Variants in RAP1GDS1 observed in about 807,000 individuals in gnomAD.
RAP1GDS1 encodes the protein RAP1, GTP-GDP dissociation stimulator 1.
In RAP1GDS1, 35 loss-of-function variants were observed where a neutral mutation model predicts 71.1. That is an observed-to-expected ratio of 0.49 (90% CI 0.38 to 0.65). RAP1GDS1 has a LOEUF of 0.65. Ranked by LOEUF, RAP1GDS1 falls within the 30% of genes least tolerant of loss-of-function variation. RAP1GDS1 has a pLI of 0.00. For missense variants in RAP1GDS1, 663 were observed against 706.1 expected, an observed-to-expected ratio of 0.94 and a Z score of 0.69; for synonymous variants, 229 against 243.1, an observed-to-expected ratio of 0.94 and a Z score of 0.54.
intron 11 of RAP1GDS1, among the ~76,000 whole-genome samples, chr4:98,420,357 T>TA (rs1748655880): frequency 6.7e-6 from 1 of 149,716 alleles, no homozygotes; most frequent in Admixed American, 6.6e-5. Context: ...TTTATTTATT[T>TA]ATTTATTTGT....
intron 4 of RAP1GDS1, among the ~76,000 whole-genome samples, chr4:98,378,267 A>C (rs1485863977): frequency 6.6e-6 from 1 of 151,952 alleles, no homozygotes. Context: ...ATGTTCTGAC[A>C]GTTAAGTAAC....
At chr4:98,366,757 C>T (rs763999783) in intron 4 of RAP1GDS1, among the ~76,000 whole-genome samples, 1 of 152,084 alleles carries the variant, frequency 6.6e-6, no homozygotes, top group Non-Finnish European at 1.5e-5. Context: ...TGCCCCTGCC[C>T]TAGAGATTTG....
intron 7 of RAP1GDS1, among the ~76,000 whole-genome samples, chr4:98,412,486 G>A (rs1470065607): frequency 6.6e-6 from 1 of 152,212 alleles, no homozygotes; most frequent in Non-Finnish European, 1.5e-5. Flanking sequence ...CTGCGCTCCA[G>A]CCTGGGCAAC....
chr4:98,387,046 G>A (rs534012609), intron 5 of RAP1GDS1, among the ~76,000 whole-genome samples: 1 of 152,070 alleles, frequency 6.6e-6, no homozygotes, highest in South Asian at 2.1e-4. Flanking sequence ...TTCTTTCACT[G>A]TTTCAACTAT....
At chr4:98,393,798 CA>C (rs1477950885) in intron 6 of RAP1GDS1, among the ~76,000 whole-genome samples, 2 of 152,150 alleles carry the variant, frequency 1.3e-5, no homozygotes, top group East Asian at 3.8e-4. Flanking sequence ...TATAAAATCT[CA>C]TCAATATTTC....
At chr4:98,267,342 G>T (rs1722834213) in intron 1 of RAP1GDS1, among the ~76,000 whole-genome samples, 1 of 151,964 alleles carries the variant, frequency 6.6e-6, no homozygotes, top group Admixed American at 6.6e-5. Flanking sequence ...AGGTTCAGAG[G>T]GTACATGTGC....
chr4:98,295,799 A>G (rs997046779), intron 2 of RAP1GDS1, among the ~76,000 whole-genome samples: 2 of 151,984 alleles, frequency 1.3e-5, no homozygotes, highest in Non-Finnish European at 2.9e-5. Context: ...AAAGTGGATA[A>G]GCCTGTTTTT....
intron 1 of RAP1GDS1, among the ~76,000 whole-genome samples, chr4:98,265,052 T>A (rs1722530614): frequency 6.6e-6 from 1 of 152,224 alleles, no homozygotes; most frequent in Non-Finnish European, 1.5e-5. Flanking sequence ...TTTATGTAGT[T>A]AAGTGATGGA....
chr4:98,439,137 AT>A (rs1467284918), intron 14 of RAP1GDS1, among the ~76,000 whole-genome samples: 1 of 152,118 alleles, frequency 6.6e-6, no homozygotes, highest in Non-Finnish European at 1.5e-5. Flanking sequence ...GCCAAAAAAA[AT>A]TTTTTTCATT....
At chr4:98,405,424 A>G (rs989801708) in intron 7 of RAP1GDS1, among the ~76,000 whole-genome samples, 2 of 152,162 alleles carry the variant, frequency 1.3e-5, no homozygotes, top group Non-Finnish European at 2.9e-5. Flanking sequence ...ATATGAACTA[A>G]AAGGAAAGAA....
At chr4:98,346,483 C>T (rs1233182166) in intron 3 of RAP1GDS1, among the ~76,000 whole-genome samples, 3 of 152,062 alleles carry the variant, frequency 2.0e-5, no homozygotes, top group African/African-American at 7.2e-5. Context: ...ACTATATTGT[C>T]AGGTAGCTTA....
intron 4 of RAP1GDS1, among the ~76,000 whole-genome samples, chr4:98,373,726 C>T (rs1162631144): frequency 6.6e-6 from 1 of 152,100 alleles, no homozygotes; most frequent in East Asian, 1.9e-4. Flanking sequence ...ATTTTCACAC[C>T]TGTAATAAAG....
At chr4:98,395,482 C>T (rs1195001876) in intron 6 of RAP1GDS1, among the ~76,000 whole-genome samples, 1 of 152,064 alleles carries the variant, frequency 6.6e-6, no homozygotes, top group Non-Finnish European at 1.5e-5. Context: ...TTTTACTGAG[C>T]CCTGTGAACT....
At chr4:98,312,760 TG>T (rs1730417891) in intron 2 of RAP1GDS1, among the ~76,000 whole-genome samples, 2 of 151,526 alleles carry the variant, frequency 1.3e-5, no homozygotes, top group Admixed American at 6.6e-5. Flanking sequence ...GAAATAGGTA[TG>T]GGCGGGGGGA....
intron 6 of RAP1GDS1, among the ~76,000 whole-genome samples, chr4:98,404,113 A>T (rs1314288479): frequency 6.6e-6 from 1 of 152,200 alleles, no homozygotes; most frequent in African/African-American, 2.4e-5. Context: ...CCAGTGTAGA[A>T]AACATTCCAC....
rs1283194984 is a variant in RAP1GDS1, at chr4:98,369,964, T to C, written c.362-9053T>C. ...ATTGCAGTAAGGGCTTGAAAGACGT[T>C]CTGGAAAACATGGCTATGAATCTCT... On this transcript the variant is annotated intron_variant, in intron 4 of 14. Transcript: ENST00000408927. Among the ~76,000 whole-genome samples the C allele has an allele frequency of 2.0e-5, 3 of 152,234 alleles. No homozygotes were observed. The East Asian group carries it at 5.8e-4, about 29-fold the overall frequency.
At chr4:98,360,193 A>T (rs1738524512) in intron 4 of RAP1GDS1, among the ~76,000 whole-genome samples, 1 of 152,214 alleles carries the variant, frequency 6.6e-6, no homozygotes, top group Admixed American at 6.5e-5. Flanking sequence ...ATAAAAAGCT[A>T]ATGTCTTAGG....
At chr4:98,290,731 T>C (rs1419178820) in intron 1 of RAP1GDS1, among the ~76,000 whole-genome samples, 1 of 152,148 alleles carries the variant, frequency 6.6e-6, no homozygotes, top group East Asian at 1.9e-4. Flanking sequence ...TGTTCACGGT[T>C]ACCAGAAGTT....
chr4:98,385,595 T>A (rs1742626087), intron 5 of RAP1GDS1, among the ~76,000 whole-genome samples: 1 of 151,898 alleles, frequency 6.6e-6, no homozygotes, highest in South Asian at 2.1e-4. Flanking sequence ...CCTGTTTTTT[T>A]AACTATAAGT....
Sources: allele counts gnomAD v4.1 joint callset (sites outside exome capture counted in the v4.1 genomes callset), GRCh38; gene constraint gnomAD v4.1.1; transcripts MANE v1.5; gene names NCBI Gene and HGNC (gene_info 2026-07-23, HGNC 2026-07-21).